Variants in APC observed in about 807,000 individuals in gnomAD.
APC encodes adenomatous polyposis coli protein.
A neutral mutation model predicts 247.0 loss-of-function variants in APC; 72 were observed. The ratio of observed to expected loss-of-function variants is 0.29; its 90% CI spans 0.24 to 0.35. The LOEUF (loss-of-function observed/expected upper bound fraction) is 0.35, where lower values mean the gene tolerates loss of function less well. Ranked by LOEUF, APC falls within the 10% of genes least tolerant of loss-of-function variation. The pLI is 1.00. For synonymous variants in APC, 1,254 were observed against 1,162.5 expected (o/e 1.08, Z -1.60); for missense variants, 3,400 against 3,360.7 (o/e 1.01, Z -0.29).
rs1766427195 is a variant in APC, at chr5:112,842,843, T to C, written c.7249T>C (p.Ser2417Pro). Residue 2417 changes from serine (S) to proline (P), a missense_variant, in exon 16 of 16, where the codon TCT becomes CCT. By Grantham distance (74) the Ser-to-Pro change is moderately conservative. This residue lies in a region of APC where 1,788 missense variants were observed against 1,649.5 expected (regional missense o/e 1.08). Transcript: ENST00000257430. ...TGGAGCCAATAAAAAGGTAGAACTT[T>C]CTAGAATGTCTTCAACTAAATCAAG... Reference protein sequence around the residue: ...GNGANKKVELSRMSSTKSSGS... With the variant: ...GNGANKKVELPRMSSTKSSGS... 1.2e-6 allele frequency: 2 copies of C among 1,613,940 alleles called. No homozygotes were observed. Among genetic ancestry groups the C allele is most frequent in the Non-Finnish European group, 1.7e-6 (2 of 1,179,924 alleles).
chr5:112,712,345 T>C (rs1750903099), intron 1 of APC, among the ~76,000 whole-genome samples: 1 of 152,164 alleles, frequency 6.6e-6, no homozygotes, highest in Admixed American at 6.5e-5. Context: ...GTCAGTTTGA[T>C]CTCTTCACCA....
chr5:112,837,562 A>G lies in APC; in HGVS notation c.1968A>G (p.Leu656=), dbSNP rs1451500350. 2 of 1,612,494 alleles carry G rather than the reference A, an allele frequency of 1.2e-6. No homozygotes were observed. The highest frequency in any genetic ancestry group is 1.7e-5 in the Admixed American group (1 of 60,010). ...CTTGATTTTATTTCAGGCAAATCCTAAGAGAGAACAACTGTCTACAAACTT... is the reference window on the plus strand; with the variant it reads ...CTTGATTTTATTTCAGGCAAATCCTGAGAGAGAACAACTGTCTACAAACTT... ...IATNEDHRQI[L]RENNCLQTLL... Residue 656 remains leucine, a synonymous_variant, in exon 16 of 16, where the codon CTA becomes CTG. Transcript: ENST00000257430.
chr5:112,714,901 T>C (rs1272649365), intron 1 of APC, among the ~76,000 whole-genome samples: 2 of 152,176 alleles, frequency 1.3e-5, no homozygotes, highest in South Asian at 2.1e-4. Flanking sequence ...GATAACTGTT[T>C]ATGGAATTAG....
intron 6 of APC, among the ~76,000 whole-genome samples, chr5:112,785,342 TTAAG>T (rs1758821000): frequency 6.6e-6 from 1 of 152,038 alleles, no homozygotes; most frequent in East Asian, 1.9e-4. Context: ...GTAACTCAAG[TTAAG>T]ATACATACAA....
chr5:112,723,462 C>CA (rs1233562831), intron 1 of APC, among the ~76,000 whole-genome samples: 22 of 140,788 alleles, frequency 1.6e-4, no homozygotes, highest in South Asian at 9.1e-4. Context: ...GACCCCATCT[C>CA]AAAAAAAAAA....
chr5:112,832,629 G>A (rs2149832321), intron 14 of APC, among the ~76,000 whole-genome samples: 1 of 152,140 alleles, frequency 6.6e-6, no homozygotes. Context: ...TTCTTTCTGG[G>A]TCATCAGTAC....
chr5:112,727,805 C>T (rs1057088043), intron 1 of APC, among the ~76,000 whole-genome samples: 1 of 151,836 alleles, frequency 6.6e-6, no homozygotes, highest in African/African-American at 2.4e-5. Flanking sequence ...TTTATGAATA[C>T]AGTTTGTATT....
At chr5:112,754,081 A>ACT (rs1396339253) in intron 1 of APC, among the ~76,000 whole-genome samples, 1 of 151,960 alleles carries the variant, frequency 6.6e-6, no homozygotes, top group Non-Finnish European at 1.5e-5. Context: ...TAACTGCCAG[A>ACT]CTCTGCTTCA....
chr5:112,764,747 A>T (rs1052758367), intron 2 of APC, among the ~76,000 whole-genome samples: 10 of 152,306 alleles, frequency 6.6e-5, no homozygotes, highest in African/African-American at 2.2e-4. Context: ...GGATAAGATT[A>T]AAAAAGGATT....
At chr5:112,807,599 A>C (rs1025527175) in intron 8 of APC, among the ~76,000 whole-genome samples, 47 of 151,864 alleles carry the variant, frequency 3.1e-4, no homozygotes, top group African/African-American at 1.1e-3. Context: ...CTCTGGTAAT[A>C]GCCAGTATAT....
chr5:112,780,760 T>C (rs1758229445), intron 5 of APC, 30 bp from the exon 6 acceptor site: 1 of 1,480,140 alleles, frequency 6.8e-7, no homozygotes, highest in Non-Finnish European at 9.4e-7. Context: ...ATACAAGATA[T>C]TGATACTTTT....
intron 5 of APC, among the ~76,000 whole-genome samples, chr5:112,780,422 T>G: frequency 6.6e-6 from 1 of 152,204 alleles, no homozygotes. Context: ...TTGTCCACGT[T>G]AATATGCTAG....
intron 1 of APC, among the ~76,000 whole-genome samples, chr5:112,732,041 C>G (rs116292737): frequency 6.6e-6 from 1 of 152,204 alleles, no homozygotes; most frequent in Non-Finnish European, 1.5e-5. Flanking sequence ...GGGTTACAGG[C>G]ATGAGCCATT....
upstream of APC, among the ~76,000 whole-genome samples, chr5:112,735,004 A>G (rs1752300509): frequency 2.0e-5 from 3 of 152,056 alleles, no homozygotes; most frequent in South Asian, 6.2e-4. Flanking sequence ...AAGGTTCAGA[A>G]GGGTTTTTTA....
chr5:112,814,047 A>T (rs924158376), intron 8 of APC, among the ~76,000 whole-genome samples: 3 of 152,194 alleles, frequency 2.0e-5, no homozygotes, highest in African/African-American at 7.2e-5. Flanking sequence ...TATTCTGTGG[A>T]TACCTACTAA....
At chr5:112,717,908 CTTTTT>C in intron 1 of APC, among the ~76,000 whole-genome samples, 60 of 40,636 alleles carry the variant, frequency 1.5e-3, no homozygotes, top group Admixed American at 0.013. Context: ...TTTTCTTTTT[CTTTTT>C]TTTTTTTTTT....
chr5:112,792,848 G>C (rs937865971), intron 7 of APC, among the ~76,000 whole-genome samples: 4 of 152,028 alleles, frequency 2.6e-5, no homozygotes, highest in African/African-American at 9.7e-5. Flanking sequence ...TCCATAGTAA[G>C]AATTGATAAT....
rs779945112 is a variant in APC at position 112,767,338 on chromosome 5, G to A, written c.370G>A (p.Val124Ile). ...PMGSFPRRGF[V>I]NGSRESTGYL... ...GGGTTCATTTCCAAGAAGAGGGTTT[G>A]TAAATGGAAGCAGAGAAAGTACTGG... Residue 124 changes from valine to isoleucine, a missense_variant, in exon 4 of 16, where the codon GTA becomes ATA. Val to Ile is a conservative substitution (Grantham distance 29). Transcript: ENST00000257430. 6.2e-7 allele frequency: 1 copy of A among 1,614,160 alleles called. No homozygotes were observed. The highest frequency in any genetic ancestry group is 8.5e-7 in the Non-Finnish European group (1 of 1,180,014).
intron 2 of APC, among the ~76,000 whole-genome samples, chr5:112,759,104 T>C (rs1442567176): frequency 6.6e-6 from 1 of 152,172 alleles, no homozygotes; most frequent in Non-Finnish European, 1.5e-5. Flanking sequence ...ACAATATACA[T>C]GTAAAGTATA....
Sources: allele counts gnomAD v4.1 joint callset (sites outside exome capture counted in the v4.1 genomes callset), GRCh38; gene constraint gnomAD v4.1.1; regional missense constraint gnomAD v4.1.1; transcripts MANE v1.5; gene names NCBI Gene and HGNC (gene_info 2026-07-23, HGNC 2026-07-21).